EDA: variants seen among roughly 807,000 people sequenced by gnomAD.
The protein encoded by EDA is ectodysplasin-A.
Under a neutral mutation model 23.6 loss-of-function variants are expected in EDA, and 2 were observed. The observed-to-expected ratio is 0.08, with a 90% CI of 0.03 to 0.27. The LOEUF is 0.27. EDA is among the 10% of genes least tolerant of loss of function. The probability of loss-of-function intolerance (pLI) is 1.00; values close to 1 mark genes in which losing one functional copy is unlikely to be tolerated. For missense variants in EDA, 229 were observed against 324.2 expected (o/e 0.71, Z 2.26); for synonymous variants, 131 against 132.0 (o/e 0.99, Z 0.05).
intron 1 of EDA, among the ~76,000 whole-genome samples, chrX:69,878,484 C>T (rs2017683348): frequency 8.9e-6 from 1 of 112,166 alleles, no homozygotes; most frequent in Non-Finnish European, 1.9e-5. Context: ...AAATCTCATC[C>T]GCTAAAACAC....
At chrX:69,658,340 T>C (rs1933382400) in intron 1 of EDA, among the ~76,000 whole-genome samples, 1 of 110,089 alleles carries the variant, frequency 9.1e-6, no homozygotes, top group African/African-American at 3.3e-5. Flanking sequence ...GCATTGATTT[T>C]GTATCCTGAG....
intron 2 of EDA, among the ~76,000 whole-genome samples, chrX:69,989,575 C>A (rs1156607810): frequency 1.8e-5 from 2 of 111,039 alleles, no homozygotes; most frequent in African/African-American, 6.5e-5. Context: ...TATAAAACAG[C>A]TGTAGTAAAA....
intron 6 of EDA, among the ~76,000 whole-genome samples, chrX:70,032,827 C>T (rs1271073051): frequency 8.9e-6 from 1 of 112,111 alleles, no homozygotes; most frequent in Non-Finnish European, 1.9e-5. Flanking sequence ...TCTGAATCAT[C>T]TCTAATCCCT....
intron 1 of EDA, among the ~76,000 whole-genome samples, chrX:69,829,199 C>G (rs2016544735): frequency 8.9e-6 from 1 of 112,138 alleles, no homozygotes; most frequent in Non-Finnish European, 1.9e-5. Flanking sequence ...TCCCTAGTTC[C>G]CAACACAGTG....
At chrX:69,767,002 G>A (rs1400675100) in intron 1 of EDA, among the ~76,000 whole-genome samples, 1 of 111,341 alleles carries the variant, frequency 9.0e-6, no homozygotes, top group Non-Finnish European at 1.9e-5. Flanking sequence ...CTATGGATGG[G>A]AGTGGAGCCA....
chrX:69,874,283 G>A (rs1352180927), intron 1 of EDA, among the ~76,000 whole-genome samples: 1 of 110,147 alleles, frequency 9.1e-6, no homozygotes, highest in Admixed American at 9.7e-5. Flanking sequence ...TTGCACTCCA[G>A]CCTGGGCAAA....
intron 1 of EDA, among the ~76,000 whole-genome samples, chrX:69,858,892 A>T (rs1342759900): frequency 9.0e-6 from 1 of 111,375 alleles, no homozygotes; most frequent in Admixed American, 9.6e-5. Flanking sequence ...GCTATTTATT[A>T]CTGCCTCACT....
At chrX:69,925,349 T>A (rs890852730) in intron 1 of EDA, among the ~76,000 whole-genome samples, 31 of 112,107 alleles carry the variant, frequency 2.8e-4, no homozygotes, top group Non-Finnish European at 3.0e-4. Context: ...TATTGAGAGT[T>A]TTTAACATGA....
chrX:69,767,241 A>T (rs1377140658), intron 1 of EDA, among the ~76,000 whole-genome samples: 1 of 111,601 alleles, frequency 9.0e-6, no homozygotes, highest in East Asian at 2.8e-4. Flanking sequence ...TGAAGTATTG[A>T]CATACAATTA....
intron 1 of EDA, among the ~76,000 whole-genome samples, chrX:69,954,363 C>G (rs2018969483): frequency 9.0e-6 from 1 of 111,502 alleles, no homozygotes; most frequent in East Asian, 2.8e-4. Context: ...ACACCTCCTC[C>G]AAGACGACTT....
chrX:69,751,178 A>G (rs756318576), intron 1 of EDA, among the ~76,000 whole-genome samples: 4 of 86,090 alleles, frequency 4.6e-5, no homozygotes, highest in South Asian at 6.8e-4. Flanking sequence ...TAAGTCTTTA[A>G]TCCGTCTTGA....
intron 1 of EDA, among the ~76,000 whole-genome samples, chrX:69,777,697 C>T (rs979186874): frequency 1.8e-5 from 2 of 111,070 alleles, no homozygotes; most frequent in Admixed American, 1.9e-4. Flanking sequence ...ACTTGTGATG[C>T]CATATGAGTT....
At chrX:69,899,132 CAG>C (rs1361136286) in intron 1 of EDA, among the ~76,000 whole-genome samples, 1 of 112,003 alleles carries the variant, frequency 8.9e-6, no homozygotes, top group Non-Finnish European at 1.9e-5. Flanking sequence ...CAGTAAGACT[CAG>C]AGGGATATAT....
chrX:69,951,483 A>G (rs975382070), intron 1 of EDA, among the ~76,000 whole-genome samples: 1 of 111,956 alleles, frequency 8.9e-6, no homozygotes, highest in Non-Finnish European at 1.9e-5. Context: ...AGTGAGATTT[A>G]TTAGGGCCTA....
intron 1 of EDA, among the ~76,000 whole-genome samples, chrX:69,736,175 G>T (rs1160014703): frequency 1.8e-5 from 2 of 109,461 alleles, no homozygotes; most frequent in South Asian, 4.1e-4. Flanking sequence ...GCGTGGTGGC[G>T]CATGCTGTAA....
intron 1 of EDA, among the ~76,000 whole-genome samples, chrX:69,891,657 C>T (rs2017932534): frequency 9.0e-6 from 1 of 111,323 alleles, no homozygotes; most frequent in African/African-American, 3.3e-5. Flanking sequence ...CAAACTAATG[C>T]AGGAACAGAA....
At chrX:69,655,759 A>AATATATATATATATATATATATATATAT (rs1435834220) in intron 1 of EDA, among the ~76,000 whole-genome samples, 7 of 39,345 alleles carry the variant, frequency 1.8e-4, no homozygotes, top group African/African-American at 5.3e-4. Flanking sequence ...ACATCATTAG[A>AATATATATATATATATATATATATATAT]ATCTATATAT....
At chrX:69,754,420 C>G (rs746066728) in intron 1 of EDA, among the ~76,000 whole-genome samples, 1 of 112,256 alleles carries the variant, frequency 8.9e-6, no homozygotes, top group South Asian at 3.7e-4. Context: ...TGTAGAGTTT[C>G]TGCCGAGAGA....
At chrX:69,724,703 A>G (rs2012725135) in intron 1 of EDA, among the ~76,000 whole-genome samples, 1 of 111,670 alleles carries the variant, frequency 9.0e-6, no homozygotes, top group Admixed American at 9.5e-5. Flanking sequence ...GTTGTCTGGT[A>G]TCTTAGATTT....
Sources: allele counts gnomAD v4.1 joint callset (sites outside exome capture counted in the v4.1 genomes callset), GRCh38; gene constraint gnomAD v4.1.1; transcripts MANE v1.5; gene names NCBI Gene and HGNC (gene_info 2026-07-23, HGNC 2026-07-21).